Variants in SATB2 observed in about 807,000 individuals in gnomAD.
SATB2 encodes SATB homeobox 2.
In SATB2, 1 loss-of-function variant was observed where a neutral mutation model predicts 73.4. The ratio of observed to expected loss-of-function variants is 0.01; its 90% CI spans 0.00 to 0.06. The LOEUF is 0.06. SATB2 is among the 10% of genes least tolerant of loss of function. SATB2 has a pLI of 1.00. For missense variants in SATB2, 459 were observed against 945.8 expected (o/e 0.49, Z 6.75); for synonymous variants, 397 against 367.0 (o/e 1.08, Z -0.93).
chr2:199,340,863 A>C (rs1425334022), intron 7 of SATB2, among the ~76,000 whole-genome samples: 1 of 152,174 alleles, frequency 6.6e-6, no homozygotes, highest in East Asian at 1.9e-4. Flanking sequence ...CATTTAACAG[A>C]TTTGCTCAGA....
In SATB2 at chr2:199,326,222, A is replaced by G. The variant is rs1279599799; in HGVS notation, c.1387-2264T>C. On this transcript the variant is annotated intron_variant, in intron 8 of 10. Transcript: ENST00000417098. ...ATGAAATGTTTTAAAAGACTTTAAT[A>G]AACTCTCCTTTCTCAATCTTTACCC... The G allele has an allele frequency of 2.0e-5, 3 of 152,208 alleles. No individual in the cohort carries two copies. The East Asian group carries it at 5.8e-4, about 29-fold the overall frequency. The allele number at this position is 152,208 out of a possible 1,614,324, so 9.4% of individuals were successfully genotyped here.
At position 199,342,123 on chromosome 2, in the gene SATB2, C is replaced by A. The variant is rs148993392; in HGVS notation, c.1173+6578G>T. Among the ~76,000 whole-genome samples, 3 of 152,220 alleles carry A rather than the reference C, an allele frequency of 2.0e-5. No individual in the cohort carries two copies. In the East Asian group the frequency reaches 5.8e-4, roughly 29 times the overall value. On this transcript the variant is annotated intron_variant, in intron 7 of 10. Coordinates refer to ENST00000417098, the MANE Select transcript of SATB2 (RefSeq NM_001172509.2). ...AACTGGAGAGATGTTAACGGAAAAG[C>A]CTAACAGCAGACGCAGGCTTTCAGA...
intron 5 of SATB2, among the ~76,000 whole-genome samples, chr2:199,374,883 C>T (rs1004710043): frequency 6.6e-6 from 1 of 151,548 alleles, no homozygotes; most frequent in Non-Finnish European, 1.5e-5. Context: ...AGAATTGCTT[C>T]TGCCCGGGAG....
rs1687482153 is a variant in SATB2 at position 199,307,969 on chromosome 2, C to G, written c.1740+791G>C. ...GCCAAAGGGTCCTCTTTGGTGGCAG[C>G]TGAAATTGAGAGTATTGGGCAGCAG... On this transcript the variant is annotated intron_variant, in intron 10 of 10. Transcript: ENST00000417098. Among the ~76,000 whole-genome samples, 3 of 152,318 alleles carry G rather than the reference C, an allele frequency of 2.0e-5. 1 individual carries two copies. The South Asian group carries it at 6.2e-4, about 32-fold the overall frequency.
At chr2:199,390,011 A>G (rs1372007885) in intron 3 of SATB2, among the ~76,000 whole-genome samples, 1 of 152,142 alleles carries the variant, frequency 6.6e-6, no homozygotes. Flanking sequence ...GGGAAATGTT[A>G]TGTTACAACC....
chr2:199,326,321 T>C (rs1037839034), intron 8 of SATB2, among the ~76,000 whole-genome samples: 1 of 152,130 alleles, frequency 6.6e-6, no homozygotes, highest in Non-Finnish European at 1.5e-5. Context: ...TGTTTAAATA[T>C]TTATTTTCAA....
intron 7 of SATB2, among the ~76,000 whole-genome samples, chr2:199,343,416 C>T (rs1487683201): frequency 6.6e-6 from 1 of 152,186 alleles, no homozygotes; most frequent in African/African-American, 2.4e-5. Flanking sequence ...GTCATTATAT[C>T]ATCCATAAAC....
chr2:199,433,932 G>C (rs1437639281), intron 2 of SATB2, among the ~76,000 whole-genome samples: 1 of 151,642 alleles, frequency 6.6e-6, no homozygotes, highest in African/African-American at 2.4e-5. Flanking sequence ...ACACGTAAAA[G>C]TAATATATTT....
chr2:199,310,115 T>C (rs1687555219), intron 9 of SATB2, among the ~76,000 whole-genome samples: 1 of 152,204 alleles, frequency 6.6e-6, no homozygotes, highest in South Asian at 2.1e-4. Context: ...TCCATGTTAA[T>C]AACCTGATCA....
intron 10 of SATB2, among the ~76,000 whole-genome samples, chr2:199,282,315 T>C (rs772162104): frequency 6.6e-6 from 1 of 152,208 alleles, no homozygotes; most frequent in Non-Finnish European, 1.5e-5. Flanking sequence ...ATTACAGGAA[T>C]TTATATCTAG....
At chr2:199,326,626 GC>G (rs1688036146) in intron 8 of SATB2, among the ~76,000 whole-genome samples, 1 of 152,056 alleles carries the variant, frequency 6.6e-6, no homozygotes, top group African/African-American at 2.4e-5. Context: ...TTGTCAAATG[GC>G]CATGAAGTAT....
chr2:199,335,514 T>C (rs541825689), intron 7 of SATB2, among the ~76,000 whole-genome samples: 1 of 152,318 alleles, frequency 6.6e-6, no homozygotes, highest in South Asian at 2.1e-4. Flanking sequence ...TGTGCTACTA[T>C]AAAACCTTCC....
intron 10 of SATB2, among the ~76,000 whole-genome samples, chr2:199,304,533 T>G (rs915438815): frequency 6.6e-6 from 1 of 152,142 alleles, no homozygotes; most frequent in Non-Finnish European, 1.5e-5. Context: ...TATGAAATTT[T>G]AATACCAGAG....
At chr2:199,330,444 G>A (rs1361706629) in intron 7 of SATB2, among the ~76,000 whole-genome samples, 1 of 152,222 alleles carries the variant, frequency 6.6e-6, no homozygotes, top group African/African-American at 2.4e-5. Flanking sequence ...AAAAGCTACA[G>A]ATCAGTGTCT....
intron 7 of SATB2, among the ~76,000 whole-genome samples, chr2:199,335,613 A>C (rs1375149282): frequency 6.6e-6 from 1 of 152,222 alleles, no homozygotes; most frequent in Non-Finnish European, 1.5e-5. Flanking sequence ...GGTTCTAAGA[A>C]GGCAACAAAT....
At chr2:199,467,023 G>A (rs1021631219), upstream of SATB2, among the ~76,000 whole-genome samples, 6 of 152,242 alleles carry the variant, frequency 3.9e-5, no homozygotes, top group African/African-American at 1.2e-4. Flanking sequence ...TTACACGTGC[G>A]GCCCCGGCTG....
chr2:199,434,048 A>G (rs1335860993), intron 2 of SATB2, among the ~76,000 whole-genome samples: 1 of 152,058 alleles, frequency 6.6e-6, no homozygotes, highest in East Asian at 1.9e-4. Context: ...ATTGATTTTA[A>G]GGCCTAAGCT....
At position 199,402,698 on chromosome 2, in the gene SATB2, TTTTTG is replaced by T. The variant is rs931230594; in HGVS notation, c.347-20883_347-20879del. On this transcript the variant is annotated intron_variant, in intron 3 of 10. Coordinates refer to ENST00000417098, the MANE Select transcript of SATB2 (RefSeq NM_001172509.2). ...CTAAGCAGAGTGGTAGGTACAAAGG[TTTTTG>T]TTTTATTATTCTTTAATACTAAACA... Among the ~76,000 whole-genome samples the T allele has an allele frequency of 1.6e-4, 25 of 152,342 alleles. No homozygotes were observed. The South Asian group carries it at 5.0e-3, about 30-fold the overall frequency.
At chr2:199,414,541 C>A (rs750892242) in intron 3 of SATB2, among the ~76,000 whole-genome samples, 2 of 152,156 alleles carry the variant, frequency 1.3e-5, no homozygotes, top group African/African-American at 4.8e-5. Flanking sequence ...AGAGTCCATG[C>A]CAGCACTCTA....
Sources: gnomAD v4.1 joint callset for allele counts (sites outside exome capture counted in the v4.1 genomes callset) on GRCh38, gnomAD v4.1.1 for gene constraint, MANE v1.5 for transcripts, NCBI Gene and HGNC (gene_info 2026-07-23, HGNC 2026-07-21) for gene names.